NTRK3: variants seen among roughly 807,000 people sequenced by gnomAD.
NTRK3 encodes the protein neurotrophic receptor tyrosine kinase 3.
A neutral mutation model predicts 91.7 loss-of-function variants in NTRK3; 24 were observed. That is an observed-to-expected ratio of 0.26 (90% confidence interval 0.19 to 0.37). NTRK3 has a LOEUF of 0.37. Among genes scored for constraint, NTRK3 ranks in the 10% least tolerant of loss-of-function variants. The pLI, the probability that NTRK3 is intolerant of heterozygous loss-of-function variation, is 1.00. For missense variants in NTRK3, 880 were observed against 1,068.9 expected, an observed-to-expected ratio of 0.82 and a Z score of 2.46; for synonymous variants, 483 against 404.0, an observed-to-expected ratio of 1.20 and a Z score of -2.34.
intron 3 of NTRK3, among the ~76,000 whole-genome samples, chr15:88,249,839 T>C (rs996591235): frequency 1.3e-5 from 2 of 152,146 alleles, no homozygotes; most frequent in African/African-American, 4.8e-5. Context: ...AGCTGATCAC[T>C]CAGTTCATCA....
intron 14 of NTRK3, among the ~76,000 whole-genome samples, chr15:87,949,429 G>T (rs913603007): frequency 2.6e-5 from 4 of 151,988 alleles, no homozygotes; most frequent in Admixed American, 1.3e-4. Context: ...CCTTAGGCTA[G>T]AGGTAGCAGT....
chr15:88,157,146 C>T (rs2043981884), intron 5 of NTRK3, among the ~76,000 whole-genome samples: 1 of 152,160 alleles, frequency 6.6e-6, no homozygotes, highest in Non-Finnish European at 1.5e-5. Context: ...TATGAACTCA[C>T]ACAGCCATTG....
intron 5 of NTRK3, among the ~76,000 whole-genome samples, chr15:88,170,462 T>A (rs2045401348): frequency 6.6e-6 from 1 of 152,230 alleles, no homozygotes; most frequent in Non-Finnish European, 1.5e-5. Flanking sequence ...CCCTGTTGGG[T>A]ACTCAGGTTC....
intron 3 of NTRK3, among the ~76,000 whole-genome samples, chr15:88,186,685 T>C (rs895968112): frequency 3.9e-5 from 6 of 152,246 alleles, no homozygotes; most frequent in African/African-American, 1.4e-4. Flanking sequence ...GAAAACTACA[T>C]GAAATTCAAA....
intron 5 of NTRK3, among the ~76,000 whole-genome samples, chr15:88,181,685 G>T (rs1276242419): frequency 1.3e-5 from 2 of 152,206 alleles, no homozygotes; most frequent in Non-Finnish European, 2.9e-5. Flanking sequence ...CCATGGAGTT[G>T]AAAGGTCTTG....
At chr15:88,032,811 C>T (rs1229648037) in intron 14 of NTRK3, 46 bp downstream of exon 14, 1 of 1,608,416 alleles carries the variant, frequency 6.2e-7, no homozygotes, top group East Asian at 2.2e-5. Flanking sequence ...TATCACCAAC[C>T]ACCCTCCCCT....
exon 19 of NTRK3, chr15:87,867,154 G>A (rs1363335217): frequency 4.4e-6 from 1 of 225,408 alleles, no homozygotes; most frequent in Non-Finnish European, 8.8e-6. Context: ...CAACTGATGA[G>A]GCGCTAATGA....
At chr15:87,942,756 T>C (rs2070015799) in intron 14 of NTRK3, among the ~76,000 whole-genome samples, 1 of 152,224 alleles carries the variant, frequency 6.6e-6, no homozygotes. Context: ...AAAATGGGTA[T>C]GGGGAGAATA....
intron 3 of NTRK3, among the ~76,000 whole-genome samples, chr15:88,244,150 A>T (rs1483984660): frequency 6.6e-6 from 1 of 152,158 alleles, no homozygotes; most frequent in African/African-American, 2.4e-5. Flanking sequence ...TGACCCCAGC[A>T]GGCCAAGGGG....
At chr15:88,019,225 T>G (rs1183370089) in intron 14 of NTRK3, among the ~76,000 whole-genome samples, 19 of 152,168 alleles carry the variant, frequency 1.2e-4, no homozygotes, top group Admixed American at 1.2e-3. Flanking sequence ...TCATCTTCAT[T>G]CTACCCCCTG....
intron 14 of NTRK3, among the ~76,000 whole-genome samples, chr15:87,954,951 G>A (rs1411439986): frequency 1.3e-5 from 2 of 152,194 alleles, no homozygotes; most frequent in African/African-American, 4.8e-5. Flanking sequence ...AGTGTGGTAA[G>A]GAGGAGTGTG....
At chr15:88,200,079 C>A (rs955018444) in intron 3 of NTRK3, among the ~76,000 whole-genome samples, 1 of 152,186 alleles carries the variant, frequency 6.6e-6, no homozygotes, top group African/African-American at 2.4e-5. Context: ...TAGTGGGTGA[C>A]CGTGAATAAA....
chr15:87,917,418 A>G (rs984997371), intron 17 of NTRK3, among the ~76,000 whole-genome samples: 1 of 152,218 alleles, frequency 6.6e-6, no homozygotes, highest in African/African-American at 2.4e-5. Flanking sequence ...AGGGTGAAAT[A>G]GATGACATTT....
chr15:87,915,423 C>A (rs1371676438), intron 17 of NTRK3, among the ~76,000 whole-genome samples: 1 of 152,200 alleles, frequency 6.6e-6, no homozygotes, highest in Non-Finnish European at 1.5e-5. Context: ...CTGCAGAATT[C>A]ATGGTCCACA....
At chr15:88,039,277 G>A (rs1400163830) in intron 13 of NTRK3, among the ~76,000 whole-genome samples, 2 of 152,162 alleles carry the variant, frequency 1.3e-5, no homozygotes, top group Non-Finnish European at 2.9e-5. Context: ...AAAAAGAAGA[G>A]AAACATTCTC....
intron 13 of NTRK3, among the ~76,000 whole-genome samples, chr15:88,060,427 A>C (rs531153397): frequency 1.5e-4 from 22 of 150,626 alleles, no homozygotes; most frequent in African/African-American, 5.4e-4. Flanking sequence ...AGACCATCTC[A>C]GGGAAGCCTG....
At chr15:88,056,483 C>T (rs1465126372) in intron 13 of NTRK3, among the ~76,000 whole-genome samples, 4 of 152,048 alleles carry the variant, frequency 2.6e-5, no homozygotes, top group African/African-American at 7.2e-5. Flanking sequence ...TTATCTGCCT[C>T]GGGGCCTTCG....
At chr15:87,876,102 T>C (rs577375806) in exon 19 of NTRK3, 1 of 232,526 alleles carries the variant, frequency 4.3e-6, no homozygotes, top group Admixed American at 5.6e-5. Flanking sequence ...TGTGGTTCTT[T>C]TACTCCAGAA....
chr15:88,082,808 G>A (rs971538229), intron 13 of NTRK3, among the ~76,000 whole-genome samples: 2 of 152,134 alleles, frequency 1.3e-5, no homozygotes, highest in South Asian at 2.1e-4. Context: ...AACTGGGGCC[G>A]GGAGATGTTT....
Sources: gnomAD v4.1 joint callset for allele counts (sites outside exome capture counted in the v4.1 genomes callset) on GRCh38, gnomAD v4.1.1 for gene constraint, MANE v1.5 for transcripts, NCBI Gene and HGNC (gene_info 2026-07-23, HGNC 2026-07-21) for gene names.